BCAS3: variants seen among roughly 807,000 people sequenced by gnomAD.
The protein encoded by BCAS3 is BCAS4/BCAS3 fusion.
A neutral mutation model predicts 116.1 loss-of-function variants in BCAS3; 53 were observed. The ratio of observed to expected loss-of-function variants is 0.46; its 90% CI spans 0.37 to 0.57. The LOEUF is 0.57. BCAS3 is among the 20% of genes least tolerant of loss of function. The probability of loss-of-function intolerance (pLI) is 0.00; values close to 1 mark genes in which losing one functional copy is unlikely to be tolerated. For missense variants in BCAS3, 917 were observed against 1,165.4 expected (o/e 0.79, Z 3.10); for synonymous variants, 391 against 408.2 (o/e 0.96, Z 0.51).
At chr17:61,149,976 A>G (rs902009728) in intron 22 of BCAS3, among the ~76,000 whole-genome samples, 2 of 152,138 alleles carry the variant, frequency 1.3e-5, no homozygotes, top group Admixed American at 6.6e-5. Context: ...ATTTAACAAG[A>G]CTGTACAACT....
At chr17:61,178,385 C>T (rs1007176595) in intron 22 of BCAS3, among the ~76,000 whole-genome samples, 3 of 152,064 alleles carry the variant, frequency 2.0e-5, no homozygotes, top group Non-Finnish European at 4.4e-5. Context: ...CAGAGTTTTA[C>T]CCATCCAATC....
chr17:60,734,908 G>A (rs2040817812), intron 5 of BCAS3, among the ~76,000 whole-genome samples: 1 of 152,164 alleles, frequency 6.6e-6, no homozygotes, highest in Non-Finnish European at 1.5e-5. Flanking sequence ...TATACATTAA[G>A]TTGGAAAGAA....
At chr17:61,210,309 T>G (rs1161462976) in intron 22 of BCAS3, among the ~76,000 whole-genome samples, 1 of 152,196 alleles carries the variant, frequency 6.6e-6, no homozygotes, top group Non-Finnish European at 1.5e-5. Flanking sequence ...AGTAACCTGG[T>G]GGGTTTGATC....
Position 61,258,412 on chromosome 17 carries a change from G to C in BCAS3, c.2426-109915G>C, listed in dbSNP as rs149499221. Among the ~76,000 whole-genome samples, 333 of 152,320 alleles carry C rather than the reference G, an allele frequency of 2.2e-3. 2 individuals carry two copies. Among genetic ancestry groups the C allele is most frequent in the African/African-American group, 7.6e-3 (318 of 41,580 alleles). On this transcript the variant is annotated intron_variant, in intron 22 of 23. Transcript: ENST00000407086. The surrounding 1 kb of genome is among the most constrained non-coding windows in gnomAD (Gnocchi z 4.7). ...GATCAAAAGAACACAGGTTTTTAGAGGCAGGTTTATCTAGGTTTGAGTTGT... is the reference window on the plus strand; with the variant it reads ...GATCAAAAGAACACAGGTTTTTAGACGCAGGTTTATCTAGGTTTGAGTTGT...
At position 61,233,385 on chromosome 17, in the gene BCAS3, A is replaced by G. The variant is rs2082807964; in HGVS notation, c.2426-134942A>G. On this transcript the variant is annotated intron_variant, in intron 22 of 23. Transcript: ENST00000407086. The surrounding 1 kb of genome is among the most constrained non-coding windows in gnomAD (Gnocchi z 4.3). ...CTTTTGCAGAAGTGATTCTACAACT[A>G]AAGATGCCAATCAACTAAGCTTGTA... Among the ~76,000 whole-genome samples the G allele has an allele frequency of 1.3e-5, 2 of 152,360 alleles. No individual in the cohort carries two copies. Among genetic ancestry groups the G allele is most frequent in the South Asian group, 4.1e-4 (2 of 4,834 alleles).
chr17:61,053,559 C>T (rs932353805), intron 19 of BCAS3, among the ~76,000 whole-genome samples: 1 of 152,110 alleles, frequency 6.6e-6, no homozygotes, highest in African/African-American at 2.4e-5. Context: ...TGAGCTGCTC[C>T]CTTTCAAATG....
chr17:60,795,199 C>G (rs960247082), intron 6 of BCAS3, among the ~76,000 whole-genome samples: 8 of 151,960 alleles, frequency 5.3e-5, no homozygotes, highest in African/African-American at 1.9e-4. Context: ...GGCTTGAGTT[C>G]TTGATTTCAT....
At chr17:60,685,450 C>CA (rs1204965872) in intron 3 of BCAS3, among the ~76,000 whole-genome samples, 4,711 of 53,592 alleles carry the variant, frequency 0.088, 420 homozygotes, top group African/African-American at 0.25. Context: ...AACTCCGTCT[C>CA]AAAAAAAAAA....
In BCAS3 at chr17:61,315,087, C is replaced by T. The variant is rs141300220; in HGVS notation, c.2426-53240C>T. 6.0e-3 allele frequency among the ~76,000 whole-genome samples: 918 copies of T among 152,132 alleles called. 14 individuals carry two copies. The highest frequency in any genetic ancestry group is 0.021 in the African/African-American group (867 of 41,490). ...CATTCCAGGGGCAGTCTCCTCCACACGCCACACTGCTCAGCCTACACTCCC... is the reference window on the plus strand; with the variant it reads ...CATTCCAGGGGCAGTCTCCTCCACATGCCACACTGCTCAGCCTACACTCCC... On this transcript the variant is annotated intron_variant, in intron 22 of 23. Transcript: ENST00000407086. The surrounding 1 kb of genome is among the most constrained non-coding windows in gnomAD (Gnocchi z 5.3).
At chr17:60,936,173 A>G (rs2059914692) in intron 13 of BCAS3, among the ~76,000 whole-genome samples, 1 of 151,428 alleles carries the variant, frequency 6.6e-6, no homozygotes, top group African/African-American at 2.4e-5. Context: ...CCATGTCCCT[A>G]CAAAGGACAT....
At chr17:60,953,489 G>A (rs2060952874) in intron 14 of BCAS3, among the ~76,000 whole-genome samples, 1 of 151,726 alleles carries the variant, frequency 6.6e-6, no homozygotes, top group South Asian at 2.1e-4. Context: ...TGCATAGTTT[G>A]CAGATATTTT....
At chr17:61,304,282 T>C (rs1246392563) in intron 22 of BCAS3, among the ~76,000 whole-genome samples, 1 of 152,170 alleles carries the variant, frequency 6.6e-6, no homozygotes, top group Non-Finnish European at 1.5e-5. Context: ...CCATCTAAAG[T>C]TGTTGAGAGG....
chr17:60,848,025 G>T (rs1209451853), intron 7 of BCAS3, among the ~76,000 whole-genome samples: 1 of 152,116 alleles, frequency 6.6e-6, no homozygotes, highest in Non-Finnish European at 1.5e-5. Context: ...CTTTTGCAGA[G>T]AAATATCTAC....
intron 8 of BCAS3, among the ~76,000 whole-genome samples, chr17:60,869,747 G>A (rs1039278257): frequency 1.2e-4 from 18 of 152,142 alleles, no homozygotes; most frequent in Non-Finnish European, 2.4e-4. Flanking sequence ...GTTAAACAAC[G>A]TTATTGAATG....
rs16944747 is a variant in BCAS3 at position 61,026,905 on chromosome 17, C to T, written c.1638-7761C>T. Reference sequence around the variant, plus strand: ...GAGCGGGGTGTTTTTCCATAAAAGCCCCATGGTGAGTTCCAGTTCAGTCCC... The same window carrying T: ...GAGCGGGGTGTTTTTCCATAAAAGCTCCATGGTGAGTTCCAGTTCAGTCCC... On this transcript the variant is annotated intron_variant, in intron 16 of 23. Transcript: ENST00000407086. This position sits in a 1 kb window ranked among gnomAD's most constrained non-coding sequence, Gnocchi z 5.0. 9.9e-3 allele frequency: 15,783 copies of T among 1,601,170 alleles called. 1,345 individuals are homozygous for T. The African/African-American group carries it at 0.18, about 18-fold the overall frequency.
rs754052524 is a variant in BCAS3, at chr17:61,346,789, C to T, written c.2426-21538C>T. Among the ~76,000 whole-genome samples the T allele has an allele frequency of 4.6e-5, 7 of 152,194 alleles. No homozygotes were observed. Among genetic ancestry groups the T allele is most frequent in the African/African-American group, 7.2e-5 (3 of 41,452 alleles). On this transcript the variant is annotated intron_variant, in intron 22 of 23. Transcript: ENST00000407086. The surrounding 1 kb of genome is among the most constrained non-coding windows in gnomAD (Gnocchi z 5.4). ...AGCCACTTCACCACAGTCTCATCTA[C>T]GCTGTGTTAGAGGGTTAGCATGTGC...
intron 5 of BCAS3, among the ~76,000 whole-genome samples, chr17:60,731,769 A>C (rs2040471736): frequency 6.8e-6 from 1 of 147,386 alleles, no homozygotes; most frequent in Non-Finnish European, 1.5e-5. Flanking sequence ...GTATCCGCTT[A>C]TCACCCTCCT....
chr17:61,119,699 AAAG>A (rs1162328874), intron 22 of BCAS3, among the ~76,000 whole-genome samples: 3 of 152,180 alleles, frequency 2.0e-5, no homozygotes, highest in East Asian at 3.9e-4. Flanking sequence ...ATATATAAAA[AAAG>A]AAGAGCTGTA....
chr17:60,956,595 C>G lies in BCAS3; in HGVS notation c.1221+9243C>G, dbSNP rs961963. 6.9e-4 allele frequency among the ~76,000 whole-genome samples: 105 copies of G among 152,248 alleles called. No homozygotes were observed. The highest frequency in any genetic ancestry group is 2.4e-3 in the African/African-American group (100 of 41,554). ...TATGGAAATAGAAATTTTGCTTAAG[C>G]TTCTTGGCATCTCTCATGCATAGAA... On this transcript the variant is annotated intron_variant, in intron 14 of 23. Transcript: ENST00000407086. This position sits in a 1 kb window ranked among gnomAD's most constrained non-coding sequence, Gnocchi z 4.2.
Sources: gnomAD v4.1 joint callset for allele counts (sites outside exome capture counted in the v4.1 genomes callset) on GRCh38, gnomAD v4.1.1 for gene constraint, Gnocchi (gnomAD v3.1) non-coding constraint, MANE v1.5 for transcripts, NCBI Gene and HGNC (gene_info 2026-07-23, HGNC 2026-07-21) for gene names.